Variants in FCF1 observed in about 807,000 individuals in gnomAD.
FCF1 encodes the protein rRNA-processing protein FCF1 homolog.
FCF1 carries 17 observed loss-of-function variants against 32.5 expected under a neutral mutation model. That is an observed-to-expected ratio of 0.52 (90% CI 0.36 to 0.78). FCF1 has a LOEUF of 0.78. Ranked by LOEUF, FCF1 falls within the 30% of genes least tolerant of loss-of-function variation. The pLI, the probability that FCF1 is intolerant of heterozygous loss-of-function variation, is 0.00. For synonymous variants in FCF1, 84 were observed against 78.4 expected (o/e 1.07, Z -0.38); for missense variants, 201 against 241.1 (o/e 0.83, Z 1.10).
At position 74,713,194 on chromosome 14, in the gene FCF1, G is replaced by C. The variant is rs1178334774; in HGVS notation, c.-4G>C. 1.9e-6 allele frequency: 3 copies of C among 1,614,240 alleles called. No homozygotes were observed. The highest frequency in any genetic ancestry group is 8.5e-7 in the Non-Finnish European group (1 of 1,180,058). The stretch of plus-strand genomic sequence containing the variant: ...TACGGAAGAACCAGGAGTTTGGCGT[G>C]ACCATGGTGAGAGAAGACGGTCCAA... On this transcript the variant is annotated 5_prime_UTR_variant, in exon 1 of 8. Coordinates refer to ENST00000341162, the MANE Select transcript of FCF1 (RefSeq NM_015962.5).
chr14:74,727,163 A>G (rs1444041366), intron 5 of FCF1, among the ~76,000 whole-genome samples: 1 of 152,182 alleles, frequency 6.6e-6, no homozygotes, highest in Non-Finnish European at 1.5e-5. Context: ...CTAGTTCTAG[A>G]TCCCTGAGGA....
chr14:74,734,912 T>C lies in FCF1; in HGVS notation c.579T>C (p.Tyr193=), dbSNP rs1481526634. 8 of 1,613,850 alleles carry C rather than the reference T, an allele frequency of 5.0e-6. No individual in the cohort carries two copies. The highest frequency in any genetic ancestry group is 1.1e-5 in the South Asian group (1 of 91,086). Residue 193 remains tyrosine, a synonymous_variant, in exon 8 of 8, where the codon TAT becomes TAC. Coordinates refer to ENST00000341162, the MANE Select transcript of FCF1 (RefSeq NM_015962.5). ...ACATTGAACGGATGCCAGATGATTA[T>C]GGAGCCCCTCGATTCTAATTCTTAC... ...RYNIERMPDD[Y]GAPRF
At chr14:74,727,622 T>C (rs2090591370) in intron 5 of FCF1, among the ~76,000 whole-genome samples, 1 of 151,828 alleles carries the variant, frequency 6.6e-6, no homozygotes, top group Non-Finnish European at 1.5e-5. Context: ...TTAGATCCCA[T>C]TTGTCAATTT....
intron 3 of FCF1, 195 bp from the exon 4 acceptor site, chr14:74,715,756 A>C: frequency 1.6e-6 from 2 of 1,268,258 alleles, no homozygotes; most frequent in Non-Finnish European, 2.2e-6. Context: ...AGTTGGTGAC[A>C]AAGGTTGCCA....
At chr14:74,729,629 T>C (rs1192669476) in intron 5 of FCF1, among the ~76,000 whole-genome samples, 1 of 152,322 alleles carries the variant, frequency 6.6e-6, no homozygotes, top group East Asian at 1.9e-4. Context: ...TTTAGTTATT[T>C]CTTGACTTCT....
chr14:74,713,468 A>C lies in FCF1; in HGVS notation c.4-17A>C. The C allele has an allele frequency of 6.2e-7, 1 of 1,612,068 alleles. No individual in the cohort carries two copies. Among genetic ancestry groups the C allele is most frequent in the Non-Finnish European group, 8.5e-7 (1 of 1,178,894 alleles). Reference sequence around the variant, plus strand: ...GTGTGTTTCCAACTTTTTTAATTCTAAAATTTCTGTTTCAAGGGGAAGCAA... The same window carrying C: ...GTGTGTTTCCAACTTTTTTAATTCTCAAATTTCTGTTTCAAGGGGAAGCAA... On this transcript the variant is annotated splice_polypyrimidine_tract_variant and intron_variant, in intron 1 of 7. Coordinates refer to ENST00000341162, the MANE Select transcript of FCF1 (RefSeq NM_015962.5).
rs75122083 is a variant in FCF1 at position 74,714,398 on chromosome 14, A to C, written c.72-474A>C. On this transcript the variant is annotated intron_variant, in intron 2 of 7. Transcript: ENST00000341162. ...GTATTGTGTAATTTTTAGGAATGAC[A>C]CTCCATTAATAATAATTTCTTTCTA... Among the ~76,000 whole-genome samples, 1,153 of 152,278 alleles carry C rather than the reference A, an allele frequency of 7.6e-3. 15 individuals carry two copies. The highest frequency in any genetic ancestry group is 0.025 in the African/African-American group (1,040 of 41,556).
intron 5 of FCF1, among the ~76,000 whole-genome samples, chr14:74,726,469 CAAAA>C (rs991674305): frequency 6.7e-6 from 1 of 149,486 alleles, no homozygotes; most frequent in Admixed American, 6.7e-5. Context: ...GACCCTGTCT[CAAAA>C]AAAAAGAAAA....
At chr14:74,734,388 A>C (rs894698965) in intron 7 of FCF1, among the ~76,000 whole-genome samples, 2 of 152,084 alleles carry the variant, frequency 1.3e-5, no homozygotes, top group African/African-American at 4.8e-5. Context: ...GAGTAAGATT[A>C]CTGGAAGAAA....
chr14:74,722,047 CTTTTTT>C (rs59367492), intron 4 of FCF1, among the ~76,000 whole-genome samples: 3 of 121,410 alleles, frequency 2.5e-5, no homozygotes, highest in East Asian at 2.4e-4. Flanking sequence ...TGGGTATTTT[CTTTTTT>C]TTTTTTTTTT....
In FCF1 at chr14:74,736,460, G is replaced by C. The variant is rs1440472510; in HGVS notation, c.*1530G>C. The C allele has an allele frequency of 1.3e-5, 2 of 151,978 alleles. No homozygotes were observed. Among genetic ancestry groups the C allele is most frequent in the East Asian group, 3.9e-4 (2 of 5,184 alleles). The allele number at this position is 151,978 out of a possible 1,614,324, so 9.4% of individuals were successfully genotyped here. ...TCAAAGGGTATAAAATCTCAGACAG[G>C]AAGAATATGTTTTATGCTTTTTTTG... On this transcript the variant is annotated 3_prime_UTR_variant, in exon 8 of 8. Transcript: ENST00000341162.
At chr14:74,719,052 C>T (rs1054295267) in intron 4 of FCF1, among the ~76,000 whole-genome samples, 4 of 149,852 alleles carry the variant, frequency 2.7e-5, no homozygotes, top group Non-Finnish European at 4.4e-5. Flanking sequence ...ATCTCTGGAA[C>T]CTGGGAGGCA....
chr14:74,732,640 A>G lies in FCF1; in HGVS notation c.366-91A>G, dbSNP rs1486263126. 5.8e-6 allele frequency: 5 copies of G among 855,980 alleles called. No individual in the cohort carries two copies. In the African/African-American group the frequency reaches 6.7e-5, roughly 12 times the overall value. The allele number at this position is 855,980 out of a possible 1,614,324, so 53.0% of individuals were successfully genotyped here. A position where few individuals can be genotyped will look rare whatever the true frequency, so the allele number is the denominator to read the frequency against. ...TTCAGGAGGAGAACAGTGCCTTAAAATCTCTGCATAGATCATGTTACTTTT... is the reference window on the plus strand; with the variant it reads ...TTCAGGAGGAGAACAGTGCCTTAAAGTCTCTGCATAGATCATGTTACTTTT... On this transcript the variant is annotated intron_variant, in intron 5 of 7. Transcript: ENST00000341162.
At chr14:74,716,985 A>G (rs923796515) in intron 4 of FCF1, among the ~76,000 whole-genome samples, 1 of 151,442 alleles carries the variant, frequency 6.6e-6, no homozygotes, top group African/African-American at 2.4e-5. Flanking sequence ...GGGTTAAGGA[A>G]TGTGTGAAGG....
chr14:74,715,043 C>A, intron 3 of FCF1, 100 bp downstream of exon 3: 2 of 1,165,378 alleles, frequency 1.7e-6, no homozygotes, highest in South Asian at 3.2e-5. Context: ...GTTAGTAAGT[C>A]TAGCACAACT....
rs533252647 is a variant in FCF1, at chr14:74,738,499, A to G, written c.*3569A>G. On this transcript the variant is annotated 3_prime_UTR_variant, in exon 8 of 8. Transcript: ENST00000341162. ...AGTGACTGATGAGATTTTCCAATACATGTAACAAGGGTTTAGAGAAATGAG... is the reference window on the plus strand; with the variant it reads ...AGTGACTGATGAGATTTTCCAATACGTGTAACAAGGGTTTAGAGAAATGAG... 6.6e-6 allele frequency: 1 copy of G among 152,214 alleles called. No homozygotes were observed. The highest frequency in any genetic ancestry group is 2.1e-4 in the South Asian group (1 of 4,828). 9.4% of individuals were successfully genotyped at this position (152,214 alleles called of 1,614,324 possible).
chr14:74,714,087 A>G (rs538270486), intron 2 of FCF1, among the ~76,000 whole-genome samples: 2 of 152,364 alleles, frequency 1.3e-5, no homozygotes, highest in Non-Finnish European at 2.9e-5. Flanking sequence ...TATGAAGAGG[A>G]TCAAAGCGGT....
intron 6 of FCF1, among the ~76,000 whole-genome samples, 161 bp downstream of exon 6, chr14:74,732,979 C>A (rs2090658088): frequency 6.6e-6 from 1 of 152,098 alleles, no homozygotes; most frequent in Admixed American, 6.5e-5. Flanking sequence ...TAGGTGTCTT[C>A]ATTTACTTGA....
intron 4 of FCF1, among the ~76,000 whole-genome samples, chr14:74,717,827 G>A (rs910819963): frequency 6.6e-6 from 1 of 152,268 alleles, no homozygotes; most frequent in South Asian, 2.1e-4. Flanking sequence ...GATAGTGACT[G>A]TTAGAGCTTT....
Sources: gnomAD v4.1 joint callset for allele counts (sites outside exome capture counted in the v4.1 genomes callset) on GRCh38, gnomAD v4.1.1 for gene constraint, MANE v1.5 for transcripts, NCBI Gene and HGNC (gene_info 2026-07-23, HGNC 2026-07-21) for gene names.